The following LRP5 variants were observed in gnomAD, a reference collection of about 807,000 sequenced individuals.
LRP5 encodes the protein low-density lipoprotein receptor-related protein 5.
LRP5 carries 62 observed loss-of-function variants against 154.1 expected under a neutral mutation model. That is an observed-to-expected ratio of 0.40 (90% CI 0.33 to 0.50). The LOEUF is 0.50. LRP5 is among the 20% of genes least tolerant of loss of function. LRP5 has a pLI of 0.55. For synonymous variants in LRP5, 966 were observed against 1,011.5 expected (o/e 0.96, Z 0.85); for missense variants, 1,915 against 2,336.7 (o/e 0.82, Z 3.72).
chr11:68,332,076 C>A (rs1439885322), intron 1 of LRP5, among the ~76,000 whole-genome samples: 13 of 152,186 alleles, frequency 8.5e-5, no homozygotes, highest in Non-Finnish European at 1.8e-4. Flanking sequence ...CCCCACCCGC[C>A]CCTGAAGGCC....
At chr11:68,338,136 A>T (rs2098606760) in intron 1 of LRP5, among the ~76,000 whole-genome samples, 1 of 152,240 alleles carries the variant, frequency 6.6e-6, no homozygotes, top group South Asian at 2.1e-4. Context: ...CACTGGACGC[A>T]GGATCATTCC....
At chr11:68,317,615 G>A (rs2098594201) in intron 1 of LRP5, among the ~76,000 whole-genome samples, 1 of 152,226 alleles carries the variant, frequency 6.6e-6, no homozygotes, top group African/African-American at 2.4e-5. Context: ...GCGCATACGC[G>A]CTGCTCTTAG....
At chr11:68,372,337 TGTG>T (rs2098634523) in intron 5 of LRP5, among the ~76,000 whole-genome samples, 7 of 51,950 alleles carry the variant, frequency 1.3e-4, no homozygotes, top group East Asian at 1.5e-3. Flanking sequence ...GACCCGGGAC[TGTG>T]GTGGTGGTGA....
chr11:68,386,244 GC>G lies in LRP5; in HGVS notation c.1016-69del. Reference sequence around the variant, plus strand: ...CCTGGCTGAGTATTTCCCTTGCCCGGCCCACCCCAGGCCTAGACTTGTGCCT... The same window carrying G: ...CCTGGCTGAGTATTTCCCTTGCCCGGCCACCCCAGGCCTAGACTTGTGCCT... On this transcript the variant is annotated intron_variant, in intron 5 of 22. Coordinates refer to ENST00000294304, the MANE Select transcript of LRP5 (RefSeq NM_002335.4). The surrounding 1 kb of genome is among the most constrained non-coding windows in gnomAD (Gnocchi z 7.9). 6.3e-7 allele frequency: 1 copy of G among 1,587,824 alleles called. No homozygotes were observed.
rs759805400 is a variant in LRP5, at chr11:68,411,443, T to C, written c.2326T>C (p.Tyr776His). Residue 776 changes from tyrosine (Y) to histidine (H), a missense_variant, in exon 11 of 23, where the codon TAC becomes CAC. Transcript: ENST00000294304. ...LALDPTKGYI[Y>H]WTEWGGKPRI... The stretch of plus-strand genomic sequence containing the variant: ...CTCCCTTGTGCCTTCCAGCTACATC[T>C]ACTGGACCGAGTGGGGCGGCAAGCC... The C allele has an allele frequency of 6.2e-7, 1 of 1,611,740 alleles. No individual in the cohort carries two copies. Among genetic ancestry groups the C allele is most frequent in the South Asian group, 1.1e-5 (1 of 91,032 alleles).
intron 1 of LRP5, among the ~76,000 whole-genome samples, chr11:68,334,832 C>T (rs577169943): frequency 3.8e-4 from 58 of 152,278 alleles, no homozygotes; most frequent in Admixed American, 1.7e-3. Context: ...CGCCATTTTA[C>T]TCCAGCCTGG....
At chr11:68,333,018 T>TTTAGACAACTGCAGAA (rs1172988451) in intron 1 of LRP5, among the ~76,000 whole-genome samples, 1 of 152,198 alleles carries the variant, frequency 6.6e-6, no homozygotes, top group Non-Finnish European at 1.5e-5. Context: ...ATTTTGAATC[T>TTTAGACAACTGCAGAA]TTAGACAACT....
chr11:68,351,132 C>T (rs753131413), intron 2 of LRP5, among the ~76,000 whole-genome samples: 7 of 152,130 alleles, frequency 4.6e-5, no homozygotes, highest in Non-Finnish European at 8.8e-5. Context: ...TGGAATTTAT[C>T]GCCAAAGTAT....
rs767345487 is a variant in LRP5 at position 68,433,837 on chromosome 11, C to T, written c.3999C>T (p.Asp1333=). 19 of 1,611,694 alleles carry T rather than the reference C, an allele frequency of 1.2e-5. No individual in the cohort carries two copies. Among genetic ancestry groups the T allele is most frequent in the South Asian group, 3.3e-5 (3 of 91,002 alleles). The change falls in exon 18 of 23, where the codon GAC becomes GAT. Residue 1333 remains aspartate, a splice_region_variant and synonymous_variant. Transcript: ENST00000294304. ...ACCGCTCAGACGAGGCGGACTGTGA[C>T]GGTGAGGCCCTCCCCGTCAAGGCTC... ...CQDRSDEADC[D]AICLPNQFRC...
chr11:68,409,846 G>A (rs527715166), intron 9 of LRP5, 68 bp from the exon 10 acceptor site: 108 of 1,233,548 alleles, frequency 8.8e-5, no homozygotes, highest in African/African-American at 8.4e-4. Flanking sequence ...GCGAAACTCC[G>A]TCTCAAAAAA....
rs558908105 is a variant in LRP5, at chr11:68,344,953, C to T, written c.92-2894C>T. Among the ~76,000 whole-genome samples the T allele has an allele frequency of 4.8e-5, 7 of 145,886 alleles. No individual in the cohort carries two copies. The East Asian group carries it at 1.2e-3, about 26-fold the overall frequency. On this transcript the variant is annotated intron_variant, in intron 1 of 22. Coordinates refer to ENST00000294304, the MANE Select transcript of LRP5 (RefSeq NM_002335.4). Reference sequence around the variant, plus strand: ...TCTCGGTTCACTGCAACATCTGCCTCCTGGGTCCAAGCAATTCTCCTGCCT... The same window carrying T: ...TCTCGGTTCACTGCAACATCTGCCTTCTGGGTCCAAGCAATTCTCCTGCCT...
upstream of LRP5, among the ~76,000 whole-genome samples, chr11:68,310,002 C>T (rs4988326): frequency 6.6e-6 from 1 of 152,190 alleles, no homozygotes; most frequent in South Asian, 2.1e-4. Flanking sequence ...GGCCCTGGTA[C>T]GGGCACAGGA....
intron 12 of LRP5, among the ~76,000 whole-genome samples, chr11:68,415,471 C>T (rs1208312855): frequency 6.6e-6 from 1 of 152,142 alleles, no homozygotes; most frequent in Admixed American, 6.5e-5. Flanking sequence ...TTGGGCTGGA[C>T]ACGGTGGCTC....
At chr11:68,354,214 G>A (rs906093191) in intron 2 of LRP5, among the ~76,000 whole-genome samples, 9 of 152,210 alleles carry the variant, frequency 5.9e-5, no homozygotes, top group Non-Finnish European at 8.8e-5. Context: ...TTCGGAAGTC[G>A]ATTTTCCTCC....
intron 7 of LRP5, among the ~76,000 whole-genome samples, chr11:68,402,390 C>A (rs1280970530): frequency 2.6e-5 from 4 of 152,164 alleles, no homozygotes; most frequent in Non-Finnish European, 5.9e-5. Flanking sequence ...ATTGACTCTT[C>A]AAGAAAAATA....
Position 68,386,859 on chromosome 11 carries a change from C to A in LRP5, c.1412+147C>A. 1.0e-6 allele frequency: 1 copy of A among 980,010 alleles called. No individual in the cohort carries two copies. The highest frequency in any genetic ancestry group is 1.5e-6 in the Non-Finnish European group (1 of 682,064). The allele number at this position is 980,010 out of a possible 1,614,324, so 60.7% of individuals were successfully genotyped here. A position where few individuals can be genotyped will look rare whatever the true frequency, so the allele number is the denominator to read the frequency against. On this transcript the variant is annotated intron_variant, in intron 6 of 22. Coordinates refer to ENST00000294304, the MANE Select transcript of LRP5 (RefSeq NM_002335.4). The surrounding 1 kb of genome is among the most constrained non-coding windows in gnomAD (Gnocchi z 7.9). ...TTAAAACACCGGCAGCTGGGCCCCA[C>A]CCCCAGAGCGGTGATTCAGGAGCTC... is the stretch of plus-strand genomic sequence containing the variant.
At position 68,386,530 on chromosome 11, in the gene LRP5, G is replaced by A. The variant is rs1280426746; in HGVS notation, c.1230G>A (p.Leu410=). 1.3e-5 allele frequency: 21 copies of A among 1,613,836 alleles called. No individual in the cohort carries two copies. The highest frequency in any genetic ancestry group is 1.8e-5 in the Non-Finnish European group (21 of 1,179,988). ...AYLDGSGAQT[L]VNTEINDPDG... is the part of the protein sequence containing the mutation. ...TGGACGGGTCTGGGGCGCAGACGCT[G>A]GTCAACACCGAGATCAACGACCCCG... Residue 410 remains leucine, a synonymous_variant, in exon 6 of 23, where the codon CTG becomes CTA. Coordinates refer to ENST00000294304, the MANE Select transcript of LRP5 (RefSeq NM_002335.4). The surrounding 1 kb of genome is among the most constrained non-coding windows in gnomAD (Gnocchi z 7.9).
At chr11:68,360,463 G>A (rs891445699) in intron 3 of LRP5, among the ~76,000 whole-genome samples, 6 of 152,220 alleles carry the variant, frequency 3.9e-5, no homozygotes, top group Admixed American at 6.5e-5. Context: ...GCTTCCCCGC[G>A]GGATTCTTCT....
At chr11:68,309,990 T>C (rs2098586792), upstream of LRP5, among the ~76,000 whole-genome samples, 1 of 152,264 alleles carries the variant, frequency 6.6e-6, no homozygotes. Flanking sequence ...TACTGTGTGC[T>C]AGGCCCTGGT....
Sources: allele counts gnomAD v4.1 joint callset (sites outside exome capture counted in the v4.1 genomes callset), GRCh38; gene constraint gnomAD v4.1.1; non-coding constraint Gnocchi (gnomAD v3.1); transcripts MANE v1.5; gene names NCBI Gene and HGNC (gene_info 2026-07-23, HGNC 2026-07-21).